The following TFEB variants were observed in gnomAD, a reference collection of about 807,000 sequenced individuals.
TFEB encodes T-cell transcription factor EB.
Under a neutral mutation model 48.0 loss-of-function variants are expected in TFEB, and 12 were observed. The ratio of observed to expected loss-of-function variants is 0.25; its 90% CI spans 0.16 to 0.40. The LOEUF (loss-of-function observed/expected upper bound fraction) is 0.40, where lower values mean the gene tolerates loss of function less well. Ranked by LOEUF, TFEB falls within the 10% of genes least tolerant of loss-of-function variation. The pLI, the probability that TFEB is intolerant of heterozygous loss-of-function variation, is 1.00. For synonymous variants in TFEB, 244 were observed against 261.4 expected (o/e 0.93, Z 0.64); for missense variants, 509 against 640.3 (o/e 0.79, Z 2.21).
chr6:41,694,515 T>C (rs188714059), intron 1 of TFEB, among the ~76,000 whole-genome samples: 29 of 151,696 alleles, frequency 1.9e-4, no homozygotes, highest in Admixed American at 1.4e-3. Flanking sequence ...GTGGTGTAGG[T>C]GGGATGGGTA....
chr6:41,684,500 A>C lies in TFEB; in HGVS notation c.*99T>G. On this transcript the variant is annotated 3_prime_UTR_variant, in exon 9 of 9. Transcript: ENST00000373033. ...GAGGAGGGAGGCAGGGCAGGTGGCT[A>C]CTTCACACACAGTGCAGCCTGAAGG... 1.4e-6 allele frequency: 2 copies of C among 1,382,222 alleles called. No individual in the cohort carries two copies. Among genetic ancestry groups the C allele is most frequent in the Non-Finnish European group, 1.9e-6 (2 of 1,056,842 alleles). The allele number at this position is 1,382,222 out of a possible 1,614,324, so 85.6% of individuals were successfully genotyped here. A position where few individuals can be genotyped will look rare whatever the true frequency, so the allele number is the denominator to read the frequency against.
At chr6:41,693,334 G>A (rs544771841) in intron 1 of TFEB, among the ~76,000 whole-genome samples, 18 of 152,296 alleles carry the variant, frequency 1.2e-4, no homozygotes, top group African/African-American at 4.1e-4. Context: ...CAATGTTCCA[G>A]ACTCCTTCAC....
At position 41,691,985 on chromosome 6, in the gene TFEB, C is replaced by T. The variant is rs957779712; in HGVS notation, c.-22-750G>A. Among the ~76,000 whole-genome samples, 1 of 152,122 alleles carries T rather than the reference C, an allele frequency of 6.6e-6. No individual in the cohort carries two copies. Among genetic ancestry groups the T allele is most frequent in the Non-Finnish European group, 1.5e-5 (1 of 68,024 alleles). Reference sequence around the variant, plus strand: ...CTTGCTGTTCCCTCTGCCTGGAATGCTCTCCCCCCAGATGACATCATGGCT... The same window carrying T: ...CTTGCTGTTCCCTCTGCCTGGAATGTTCTCCCCCCAGATGACATCATGGCT... On this transcript the variant is annotated intron_variant, in intron 1 of 8. Transcript: ENST00000373033. This position sits in a 1 kb window ranked among gnomAD's most constrained non-coding sequence, Gnocchi z 5.2.
At chr6:41,721,008 TCCAGCCCCCAGCC>T (rs1363840066) in intron 1 of TFEB, among the ~76,000 whole-genome samples, 2 of 151,952 alleles carry the variant, frequency 1.3e-5, no homozygotes, top group African/African-American at 2.4e-5. Context: ...CAGGTAGCTC[TCCAGCCCCCAGCC>T]CCAGCCCCCA....
chr6:41,733,724 T>A, intron 1 of TFEB: 7 of 985,248 alleles, frequency 7.1e-6, no homozygotes, highest in Non-Finnish European at 8.4e-6. Flanking sequence ...TGCCTCTGCC[T>A]CTCCTGGCCG....
At chr6:41,687,292 C>T in intron 6 of TFEB, 123 bp from the exon 7 acceptor site, 1 of 859,024 alleles carries the variant, frequency 1.2e-6, no homozygotes. Flanking sequence ...TTAGTTCTTC[C>T]AGGAAGTAAG....
At chr6:41,703,560 C>T (rs1298725704) in intron 1 of TFEB, among the ~76,000 whole-genome samples, 2 of 152,224 alleles carry the variant, frequency 1.3e-5, no homozygotes, top group Non-Finnish European at 2.9e-5. Flanking sequence ...AAACCTGCTT[C>T]TGAGTACTTT....
At chr6:41,707,220 A>G (rs115902421) in intron 1 of TFEB, among the ~76,000 whole-genome samples, 1 of 152,238 alleles carries the variant, frequency 6.6e-6, no homozygotes, top group Non-Finnish European at 1.5e-5. Context: ...CCTCCCAACA[A>G]CACACCTGCC....
chr6:41,704,210 C>A (rs1431694613), intron 1 of TFEB, among the ~76,000 whole-genome samples: 3 of 152,234 alleles, frequency 2.0e-5, no homozygotes, highest in Non-Finnish European at 4.4e-5. Context: ...TCCACCTCCA[C>A]CACGTCATCT....
In TFEB at chr6:41,730,173, G is replaced by C. The variant is rs772979750; in HGVS notation, c.-23+5177C>G. Among the ~76,000 whole-genome samples the C allele has an allele frequency of 6.6e-6, 1 of 152,086 alleles. No homozygotes were observed. The highest frequency in any genetic ancestry group is 1.5e-5 in the Non-Finnish European group (1 of 68,026). On this transcript the variant is annotated intron_variant, in intron 1 of 8. Transcript: ENST00000373033. This position sits in a 1 kb window ranked among gnomAD's most constrained non-coding sequence, Gnocchi z 4.1. ...CCTAGGCCCCTCCCCAAGAGATTCA[G>C]ATGCAATGGTGTTGTCTAAGAGTTC... is the stretch of plus-strand genomic sequence containing the variant.
intron 1 of TFEB, among the ~76,000 whole-genome samples, chr6:41,703,693 CAGA>C (rs1671192829): frequency 1.3e-5 from 2 of 152,266 alleles, no homozygotes; most frequent in Admixed American, 1.3e-4. Flanking sequence ...ATTGAATTCA[CAGA>C]AGGTGGCCTG....
rs144446789 is a variant in TFEB at position 41,723,638 on chromosome 6, T to C, written c.-23+11712A>G. ...CTGGAGAGGAAGTTGCACAATCCCC[T>C]GGGAGCTGCAAATGCGGCCGAGGAT... On this transcript the variant is annotated intron_variant, in intron 1 of 8. Transcript: ENST00000373033. The surrounding 1 kb of genome is among the most constrained non-coding windows in gnomAD (Gnocchi z 6.0). The C allele has an allele frequency of 8.8e-4, 835 of 946,016 alleles. 8 individuals carry two copies. The African/African-American group carries it at 0.013, about 15-fold the overall frequency. The allele number at this position is 946,016 out of a possible 1,614,324, so 58.6% of individuals were successfully genotyped here. A position where few individuals can be genotyped will look rare whatever the true frequency, so the allele number is the denominator to read the frequency against.
chr6:41,714,110 C>CGT (rs70987525), intron 1 of TFEB, among the ~76,000 whole-genome samples: 16,051 of 144,248 alleles, frequency 0.11, 1,085 homozygotes, highest in Admixed American at 0.2. Flanking sequence ...TGTGTGTGCA[C>CGT]GTGTGTGTGT....
chr6:41,691,360 A>C lies in TFEB; in HGVS notation c.-22-125T>G. 1 of 982,624 alleles carries C rather than the reference A, an allele frequency of 1.0e-6. No individual in the cohort carries two copies. Among genetic ancestry groups the C allele is most frequent in the South Asian group, 1.4e-5 (1 of 72,120 alleles). The allele number at this position is 982,624 out of a possible 1,614,324, so 60.9% of individuals were successfully genotyped here. ...TTAGAGGAGAAGACACCGAGCCCTGAGAGGGGAAGAGATTTGCCCAAGGTC... is the reference window on the plus strand; with the variant it reads ...TTAGAGGAGAAGACACCGAGCCCTGCGAGGGGAAGAGATTTGCCCAAGGTC... On this transcript the variant is annotated intron_variant, in intron 1 of 8. Transcript: ENST00000373033. This position sits in a 1 kb window ranked among gnomAD's most constrained non-coding sequence, Gnocchi z 5.2.
chr6:41,722,083 G>A (rs1292998504), intron 1 of TFEB, among the ~76,000 whole-genome samples: 2 of 152,138 alleles, frequency 1.3e-5, no homozygotes, highest in South Asian at 2.1e-4. Context: ...GGGTTCAAGC[G>A]ATTCTCCTGC....
chr6:41,734,680 A>G lies in TFEB; in HGVS notation c.-23+670T>C, dbSNP rs200942257. Among the ~76,000 whole-genome samples, 22 of 151,838 alleles carry G rather than the reference A, an allele frequency of 1.4e-4. No homozygotes were observed. The East Asian group carries it at 3.9e-3, about 27-fold the overall frequency. ...GGTTGGTGTTCCCCAGGGTCATAGA[A>G]TAACCCACGGGGAGAAAGAGACTGC... is the stretch of plus-strand genomic sequence containing the variant. On this transcript the variant is annotated intron_variant, in intron 1 of 8. Coordinates refer to ENST00000373033, the MANE Select transcript of TFEB (RefSeq NM_001271944.2). This position sits in a 1 kb window ranked among gnomAD's most constrained non-coding sequence, Gnocchi z 4.0.
At chr6:41,713,483 G>A (rs1032283278) in intron 1 of TFEB, among the ~76,000 whole-genome samples, 3 of 152,152 alleles carry the variant, frequency 2.0e-5, no homozygotes, top group African/African-American at 4.8e-5. Context: ...CGGTCCCTAC[G>A]CTGACTCACT....
intron 1 of TFEB, among the ~76,000 whole-genome samples, chr6:41,709,287 G>C (rs181440035): frequency 5.3e-5 from 8 of 149,912 alleles, no homozygotes; most frequent in Middle Eastern, 3.4e-3. Flanking sequence ...TTCTAGCTGT[G>C]TGACCTTCAT....
At chr6:41,706,632 C>T (rs1421034459) in intron 1 of TFEB, among the ~76,000 whole-genome samples, 3 of 152,128 alleles carry the variant, frequency 2.0e-5, no homozygotes, top group Non-Finnish European at 4.4e-5. Context: ...CTGCCCTGTC[C>T]ATGTGCGCTC....
Sources: gnomAD v4.1 joint callset for allele counts (sites outside exome capture counted in the v4.1 genomes callset) on GRCh38, gnomAD v4.1.1 for gene constraint, Gnocchi (gnomAD v3.1) non-coding constraint, MANE v1.5 for transcripts, NCBI Gene and HGNC (gene_info 2026-07-23, HGNC 2026-07-21) for gene names.